Variants in NAALADL2 observed in about 807,000 individuals in gnomAD.
The protein encoded by NAALADL2 is inactive N-acetylated-alpha-linked acidic dipeptidase-like protein 2.
NAALADL2 carries 76 observed loss-of-function variants against 87.2 expected under a neutral mutation model. That is an observed-to-expected ratio of 0.87 (90% CI 0.72 to 1.05). The LOEUF (loss-of-function observed/expected upper bound fraction) is 1.05, where lower values mean the gene tolerates loss of function less well. Among genes scored for constraint, NAALADL2 ranks in the 50% least tolerant of loss-of-function variants. NAALADL2 has a pLI of 0.00. For synonymous variants in NAALADL2, 354 were observed against 331.0 expected (o/e 1.07, Z -0.75); for missense variants, 1,089 against 945.8 (o/e 1.15, Z -1.99).
At chr3:175,427,403 T>C (rs1464771546) in intron 5 of NAALADL2, among the ~76,000 whole-genome samples, 3 of 152,202 alleles carry the variant, frequency 2.0e-5, no homozygotes, top group Non-Finnish European at 2.9e-5. Context: ...TTTAAATGAA[T>C]ATATTTTTCT....
intron 1 of NAALADL2, among the ~76,000 whole-genome samples, chr3:175,076,519 G>C (rs1716639878): frequency 6.6e-6 from 1 of 152,026 alleles, no homozygotes; most frequent in Non-Finnish European, 1.5e-5. Context: ...AAAAGGGGAA[G>C]TTCATTGACT....
chr3:174,604,853 C>A (rs1390427295), intron 2 of NAALADL2, among the ~76,000 whole-genome samples: 1 of 151,786 alleles, frequency 6.6e-6, no homozygotes, highest in Non-Finnish European at 1.5e-5. Context: ...ACCACAACCT[C>A]CATCTCCCAG....
At chr3:174,732,225 T>G (rs946812284) in intron 2 of NAALADL2, among the ~76,000 whole-genome samples, 1 of 152,140 alleles carries the variant, frequency 6.6e-6, no homozygotes, top group Admixed American at 6.6e-5. Context: ...TGACTCTCTT[T>G]AGGAGAGTAG....
intron 3 of NAALADL2, among the ~76,000 whole-genome samples, chr3:174,761,916 C>A (rs1713027506): frequency 6.6e-6 from 1 of 152,034 alleles, no homozygotes; most frequent in Non-Finnish European, 1.5e-5. Flanking sequence ...GCAAAGCCTG[C>A]AATTGCTTTT....
At chr3:175,006,748 T>C (rs1017513563) in intron 1 of NAALADL2, among the ~76,000 whole-genome samples, 1 of 151,788 alleles carries the variant, frequency 6.6e-6, no homozygotes, top group African/African-American at 2.4e-5. Context: ...AAAGATAGGA[T>C]GTAGTTTCTG....
chr3:174,844,739 T>TA, intron 3 of NAALADL2, among the ~76,000 whole-genome samples: 1 of 151,882 alleles, frequency 6.6e-6, no homozygotes, highest in East Asian at 1.9e-4. Context: ...ATTTCTTTTT[T>TA]AGATAGTCTG....
intron 2 of NAALADL2, among the ~76,000 whole-genome samples, chr3:175,174,771 G>GTA (rs1320560209): frequency 2.4e-5 from 3 of 126,300 alleles, no homozygotes; most frequent in African/African-American, 8.8e-5. Context: ...TGCTATTCAT[G>GTA]TGTGTGTGTG....
intron 1 of NAALADL2, among the ~76,000 whole-genome samples, chr3:174,860,425 A>G (rs1726349488): frequency 6.6e-6 from 1 of 152,104 alleles, no homozygotes; most frequent in East Asian, 1.9e-4. Flanking sequence ...AATAAATTCT[A>G]TTGAAGAAAA....
chr3:174,806,698 T>C (rs569245339), intron 3 of NAALADL2, among the ~76,000 whole-genome samples: 24 of 152,360 alleles, frequency 1.6e-4, no homozygotes, highest in African/African-American at 5.5e-4. Flanking sequence ...AGCTCTGTTC[T>C]TTCCTCTGTA....
chr3:174,882,875 GTA>G (rs1474499441), intron 1 of NAALADL2, among the ~76,000 whole-genome samples: 1 of 146,072 alleles, frequency 6.8e-6, no homozygotes, highest in Non-Finnish European at 1.5e-5. Context: ...GTGTATATGT[GTA>G]TATGTGTATA....
intron 2 of NAALADL2, among the ~76,000 whole-genome samples, chr3:175,232,200 AAGAAGAAC>A: frequency 6.7e-6 from 1 of 149,520 alleles, no homozygotes; most frequent in African/African-American, 2.5e-5. Context: ...GAGGAAGAAG[AAGAAGAAC>A]AAGAAGAGAA....
At chr3:174,887,782 C>A (rs917132132) in intron 1 of NAALADL2, among the ~76,000 whole-genome samples, 3 of 150,358 alleles carry the variant, frequency 2.0e-5, no homozygotes, top group Non-Finnish European at 4.4e-5. Flanking sequence ...GGCAACAGAG[C>A]GATACCCTGT....
At chr3:174,589,946 T>C (rs1003906054) in intron 2 of NAALADL2, among the ~76,000 whole-genome samples, 4 of 152,052 alleles carry the variant, frequency 2.6e-5, no homozygotes, top group African/African-American at 9.7e-5. Context: ...GGTGTGTTCT[T>C]TATATCTTTA....
At chr3:174,797,305 C>CTTTCTTTTTTTTTT (rs1718236831) in intron 3 of NAALADL2, among the ~76,000 whole-genome samples, 2 of 72,720 alleles carry the variant, frequency 2.8e-5, no homozygotes, top group African/African-American at 1.4e-4. Flanking sequence ...TTTCTTTTTT[C>CTTTCTTTTTTTTTT]TTTTTTTTTT....
chr3:174,772,130 T>C (rs1417310062), intron 3 of NAALADL2, among the ~76,000 whole-genome samples: 2 of 152,198 alleles, frequency 1.3e-5, no homozygotes, highest in African/African-American at 2.4e-5. Flanking sequence ...TCCCAAAATA[T>C]AGAAATAAAT....
intron 2 of NAALADL2, among the ~76,000 whole-genome samples, chr3:174,708,629 T>G (rs865952485): frequency 6.6e-6 from 1 of 152,164 alleles, no homozygotes; most frequent in Non-Finnish European, 1.5e-5. Flanking sequence ...TAGTTTATGT[T>G]TGTTTGTAAA....
intron 9 of NAALADL2, among the ~76,000 whole-genome samples, chr3:175,531,002 A>T (rs1401140128): frequency 1.3e-5 from 2 of 152,074 alleles, no homozygotes; most frequent in South Asian, 4.2e-4. Flanking sequence ...AGAGGCCTCC[A>T]CTGTGATTTA....
At chr3:175,546,113 A>G (rs1057045273) in intron 9 of NAALADL2, among the ~76,000 whole-genome samples, 1 of 152,156 alleles carries the variant, frequency 6.6e-6, no homozygotes, top group Non-Finnish European at 1.5e-5. Context: ...TTAAGACAGC[A>G]TGAGCATTGT....
At chr3:175,704,547 T>C (rs766895333) in intron 11 of NAALADL2, among the ~76,000 whole-genome samples, 1 of 152,154 alleles carries the variant, frequency 6.6e-6, no homozygotes, top group African/African-American at 2.4e-5. Context: ...CATTTTCTCT[T>C]TGCCCTCTGA....
Sources: allele counts gnomAD v4.1 joint callset (sites outside exome capture counted in the v4.1 genomes callset), GRCh38; gene constraint gnomAD v4.1.1; transcripts MANE v1.5; gene names NCBI Gene and HGNC (gene_info 2026-07-23, HGNC 2026-07-21).